NKAIN2: variants seen among roughly 807,000 people sequenced by gnomAD.
NKAIN2 encodes the protein sodium/potassium transporting ATPase interacting 2, also known as sodium/potassium-transporting ATPase subunit beta-1-interacting protein 2.
Under a neutral mutation model 32.6 loss-of-function variants are expected in NKAIN2, and 14 were observed. That is an observed-to-expected ratio of 0.43 (90% CI 0.28 to 0.67). The LOEUF is 0.67. NKAIN2 is among the 30% of genes least tolerant of loss of function. NKAIN2 has a pLI of 0.17. For missense variants in NKAIN2, 198 were observed against 258.3 expected (o/e 0.77, Z 1.60); for synonymous variants, 80 against 87.2 (o/e 0.92, Z 0.46).
chr6:124,047,448 C>CTATATATA (rs552782793), intron 1 of NKAIN2, among the ~76,000 whole-genome samples: 9 of 151,016 alleles, frequency 6.0e-5, no homozygotes, highest in African/African-American at 2.2e-4. Context: ...CTCTCTCTCT[C>CTATATATA]TATATATATA....
chr6:124,374,867 A>T (rs1254768428), intron 3 of NKAIN2, among the ~76,000 whole-genome samples: 1 of 152,088 alleles, frequency 6.6e-6, no homozygotes, highest in Admixed American at 6.6e-5. Context: ...AATGATAATA[A>T]TATATTAATA....
intron 1 of NKAIN2, among the ~76,000 whole-genome samples, chr6:123,841,456 T>A (rs9490963): frequency 6.6e-6 from 1 of 152,220 alleles, no homozygotes; most frequent in African/African-American, 2.4e-5. Context: ...TAACACTATA[T>A]ATTACAGTCC....
intron 3 of NKAIN2, among the ~76,000 whole-genome samples, chr6:124,366,655 G>T (rs1799529707): frequency 6.6e-6 from 1 of 152,030 alleles, no homozygotes; most frequent in Non-Finnish European, 1.5e-5. Flanking sequence ...AAATGTAATA[G>T]GCCAGGCACG....
Position 124,427,918 on chromosome 6 carries a change from TTAAAA to T in NKAIN2, c.273+72579_273+72583del, listed in dbSNP as rs559713893. ...TCTAACAATTTATTTTAAAAATTAT[TTAAAA>T]TAAAATACTTAAAATTAAGTATTAC... is the stretch of plus-strand genomic sequence containing the variant. On this transcript the variant is annotated intron_variant, in intron 3 of 6. Transcript: ENST00000368417. 5.9e-5 allele frequency among the ~76,000 whole-genome samples: 9 copies of T among 152,238 alleles called. No individual in the cohort carries two copies. The South Asian group carries it at 1.7e-3, about 28-fold the overall frequency.
At chr6:124,688,169 A>G (rs996960384) in intron 4 of NKAIN2, among the ~76,000 whole-genome samples, 1 of 152,102 alleles carries the variant, frequency 6.6e-6, no homozygotes, top group Non-Finnish European at 1.5e-5. Flanking sequence ...TAACAAATAT[A>G]ACAGTATAAC....
intron 1 of NKAIN2, among the ~76,000 whole-genome samples, chr6:124,131,134 T>TTTG (rs904670162): frequency 4.6e-5 from 7 of 152,100 alleles, no homozygotes; most frequent in African/African-American, 7.2e-5. Flanking sequence ...TGAGTTGAGT[T>TTTG]TTGTTGTTGT....
intron 1 of NKAIN2, among the ~76,000 whole-genome samples, chr6:124,050,730 G>A (rs1047659680): frequency 1.3e-5 from 2 of 151,972 alleles, no homozygotes; most frequent in Non-Finnish European, 2.9e-5. Context: ...TTTAGGTAGG[G>A]ACTGTTTGTT....
intron 3 of NKAIN2, among the ~76,000 whole-genome samples, chr6:124,596,673 T>C (rs1210046265): frequency 2.5e-4 from 25 of 101,380 alleles, no homozygotes; most frequent in African/African-American, 7.8e-4. Context: ...GGTGTGTGTG[T>C]GTGTGTGTGT....
intron 5 of NKAIN2, among the ~76,000 whole-genome samples, chr6:124,803,961 C>A (rs891618491): frequency 6.6e-5 from 10 of 152,158 alleles, no homozygotes; most frequent in Non-Finnish European, 2.9e-5. Flanking sequence ...ACACCTGATT[C>A]TCTCAATAAC....
At chr6:123,924,342 A>G (rs1194595766) in intron 1 of NKAIN2, among the ~76,000 whole-genome samples, 5 of 152,194 alleles carry the variant, frequency 3.3e-5, no homozygotes, top group African/African-American at 7.2e-5. Flanking sequence ...TCTCACATAT[A>G]TATGTATAGA....
At chr6:124,373,669 G>T (rs181146852) in intron 3 of NKAIN2, among the ~76,000 whole-genome samples, 1 of 152,118 alleles carries the variant, frequency 6.6e-6, no homozygotes, top group Non-Finnish European at 1.5e-5. Flanking sequence ...GACGTAGGAA[G>T]GAAGCCAGGG....
chr6:124,613,138 CACA>C (rs1782753771), intron 3 of NKAIN2, among the ~76,000 whole-genome samples: 1 of 152,032 alleles, frequency 6.6e-6, no homozygotes, highest in Non-Finnish European at 1.5e-5. Flanking sequence ...AGAGTTTGTG[CACA>C]AATGATAGCA....
intron 2 of NKAIN2, among the ~76,000 whole-genome samples, chr6:124,295,383 C>T (rs1004672144): frequency 3.3e-5 from 5 of 152,122 alleles, no homozygotes; most frequent in Admixed American, 2.0e-4. Context: ...TCTGTGAACA[C>T]GTTGAGAGGT....
chr6:124,432,172 A>G (rs1445667087), intron 3 of NKAIN2, among the ~76,000 whole-genome samples: 1 of 152,194 alleles, frequency 6.6e-6, no homozygotes. Flanking sequence ...CAACCATGCA[A>G]TGGTCAGGTG....
At chr6:123,963,034 A>C (rs1438844235) in intron 1 of NKAIN2, among the ~76,000 whole-genome samples, 4 of 152,156 alleles carry the variant, frequency 2.6e-5, no homozygotes, top group Non-Finnish European at 2.9e-5. Context: ...TCCTGACTTC[A>C]TTCAGGAAGA....
intron 1 of NKAIN2, among the ~76,000 whole-genome samples, chr6:124,036,067 G>C (rs1368137439): frequency 1.3e-5 from 2 of 152,056 alleles, no homozygotes; most frequent in Admixed American, 1.3e-4. Context: ...ACACCATGTG[G>C]GTACTGTATA....
chr6:124,741,732 G>A (rs914480893), intron 4 of NKAIN2, among the ~76,000 whole-genome samples: 7 of 151,824 alleles, frequency 4.6e-5, no homozygotes, highest in Admixed American at 6.6e-5. Flanking sequence ...CTTTATAATT[G>A]ACTTCAGTAA....
intron 1 of NKAIN2, 56 bp downstream of exon 1, chr6:123,804,310 G>A (rs1773123684): frequency 1.4e-6 from 2 of 1,437,012 alleles, no homozygotes; most frequent in Middle Eastern, 1.7e-4. Flanking sequence ...TAGTGGGCAG[G>A]GGAGTGCAGC....
At chr6:124,512,829 T>G (rs1157625421) in intron 3 of NKAIN2, among the ~76,000 whole-genome samples, 3 of 152,202 alleles carry the variant, frequency 2.0e-5, no homozygotes, top group Non-Finnish European at 4.4e-5. Context: ...TTGTATATTG[T>G]GTCATTGTTA....
Sources: gnomAD v4.1 joint callset for allele counts (sites outside exome capture counted in the v4.1 genomes callset) on GRCh38, gnomAD v4.1.1 for gene constraint, MANE v1.5 for transcripts, NCBI Gene and HGNC (gene_info 2026-07-23, HGNC 2026-07-21) for gene names.